ARHGAP32: variants seen among roughly 807,000 people sequenced by gnomAD.
ARHGAP32 encodes rho GTPase-activating protein 32.
A neutral mutation model predicts 186.5 loss-of-function variants in ARHGAP32; 51 were observed. That is an observed-to-expected ratio of 0.27 (90% CI 0.22 to 0.35). ARHGAP32 has a LOEUF of 0.35. Ranked by LOEUF, ARHGAP32 falls within the 10% of genes least tolerant of loss-of-function variation. ARHGAP32 has a pLI of 1.00. For missense variants in ARHGAP32, 2,186 were observed against 2,623.5 expected (o/e 0.83, Z 3.64); for synonymous variants, 950 against 964.3 (o/e 0.99, Z 0.27).
At chr11:129,182,733 T>C (rs1336632289) in intron 1 of ARHGAP32, among the ~76,000 whole-genome samples, 1 of 151,734 alleles carries the variant, frequency 6.6e-6, no homozygotes, top group African/African-American at 2.4e-5. Context: ...AGCCTCAAAC[T>C]CCTGGGCTCA....
chr11:129,182,350 T>C (rs2511813), intron 1 of ARHGAP32, among the ~76,000 whole-genome samples: 19,622 of 152,128 alleles, frequency 0.13, 1,401 homozygotes, highest in Non-Finnish European at 0.16. Flanking sequence ...TTGGACTTTT[T>C]CTTAACCATT....
intron 11 of ARHGAP32, among the ~76,000 whole-genome samples, chr11:129,027,940 G>A (rs767614066): frequency 6.6e-6 from 1 of 152,098 alleles, no homozygotes; most frequent in Non-Finnish European, 1.5e-5. Flanking sequence ...AATGAATATC[G>A]GAAATGGCCA....
chr11:129,148,598 C>A (rs935423114), intron 2 of ARHGAP32, among the ~76,000 whole-genome samples: 8 of 152,278 alleles, frequency 5.3e-5, no homozygotes, highest in African/African-American at 1.2e-4. Flanking sequence ...GTAATTCTGA[C>A]TGGGCGTGAA....
chr11:129,202,028 ATG>A (rs1363387992), intron 1 of ARHGAP32, among the ~76,000 whole-genome samples: 1 of 151,956 alleles, frequency 6.6e-6, no homozygotes, highest in Non-Finnish European at 1.5e-5. Context: ...TTATATATAT[ATG>A]TGTGTGTATA....
At chr11:129,241,764 G>A (rs746422740) in intron 1 of ARHGAP32, among the ~76,000 whole-genome samples, 2 of 152,160 alleles carry the variant, frequency 1.3e-5, no homozygotes, top group African/African-American at 2.4e-5. Flanking sequence ...AATTTTGACT[G>A]GATCATTCAG....
chr11:128,968,889 C>T lies in ARHGAP32; in HGVS notation c.*18G>A, dbSNP rs1459006381. The T allele has an allele frequency of 1.4e-6, 2 of 1,455,698 alleles. No individual in the cohort carries two copies. Among genetic ancestry groups the T allele is most frequent in the Non-Finnish European group, 1.8e-6 (2 of 1,098,470 alleles). 90.2% of individuals were successfully genotyped at this position (1,455,698 alleles called of 1,614,324 possible). A position where few individuals can be genotyped will look rare whatever the true frequency, so the allele number is the denominator to read the frequency against. ...CACTGTCCAGCAGAGGCTGCTTCAA[C>T]TCTATTGCTCGCAGGGCTCATTCTG... On this transcript the variant is annotated 3_prime_UTR_variant, in exon 23 of 23. Coordinates refer to ENST00000682385, the MANE Select transcript of ARHGAP32 (RefSeq NM_001378024.1).
chr11:129,177,645 A>G (rs1218327238), intron 1 of ARHGAP32, among the ~76,000 whole-genome samples: 1 of 152,212 alleles, frequency 6.6e-6, no homozygotes, highest in Non-Finnish European at 1.5e-5. Context: ...AAGCAAATCA[A>G]TAAATGTAAT....
intron 5 of ARHGAP32, among the ~76,000 whole-genome samples, chr11:129,111,923 G>A (rs948397138): frequency 1.3e-5 from 2 of 151,932 alleles, no homozygotes; most frequent in Non-Finnish European, 2.9e-5. Flanking sequence ...CGTTATGCCT[G>A]GCTAATGTTT....
At chr11:129,064,719 G>A in intron 8 of ARHGAP32, 122 bp downstream of exon 8, 1 of 702,772 alleles carries the variant, frequency 1.4e-6, no homozygotes, top group African/African-American at 1.8e-5. Context: ...CCCAGATGCT[G>A]AGAATATACT....
Position 129,046,209 on chromosome 11 carries a change from T to C in ARHGAP32, c.964-5200A>G, listed in dbSNP as rs77170642. Among the ~76,000 whole-genome samples, 971 of 152,254 alleles carry C rather than the reference T, an allele frequency of 6.4e-3. 8 individuals are homozygous for C. The highest frequency in any genetic ancestry group is 0.022 in the African/African-American group (929 of 41,532). Reference sequence around the variant, plus strand: ...CAGAAGGGCACTCAGTTATACAGTATTGAAAGCATACAGATAGAGTAGCTG... The same window carrying C: ...CAGAAGGGCACTCAGTTATACAGTACTGAAAGCATACAGATAGAGTAGCTG... On this transcript the variant is annotated intron_variant, in intron 10 of 22. Coordinates refer to ENST00000682385, the MANE Select transcript of ARHGAP32 (RefSeq NM_001378024.1).
intron 1 of ARHGAP32, among the ~76,000 whole-genome samples, chr11:129,228,563 T>C (rs945125716): frequency 2.0e-5 from 3 of 152,164 alleles, no homozygotes; most frequent in African/African-American, 4.8e-5. Context: ...TGCAGGGACA[T>C]AGATGGAGCT....
chr11:129,116,361 G>C (rs1350778807), intron 5 of ARHGAP32, among the ~76,000 whole-genome samples: 1 of 152,062 alleles, frequency 6.6e-6, no homozygotes, highest in Non-Finnish European at 1.5e-5. Context: ...ACGAGATACA[G>C]TGAAAATCCA....
At chr11:129,234,656 C>A (rs899904081) in intron 1 of ARHGAP32, among the ~76,000 whole-genome samples, 6 of 152,046 alleles carry the variant, frequency 3.9e-5, no homozygotes, top group Admixed American at 3.3e-4. Context: ...AAAAGAAAAT[C>A]ATTTACTTAT....
chr11:128,991,418 TGAA>T (rs1324130107), intron 12 of ARHGAP32, among the ~76,000 whole-genome samples: 3 of 151,944 alleles, frequency 2.0e-5, no homozygotes. Context: ...ACTTGAATCT[TGAA>T]GAAAAGGAGC....
chr11:129,084,112 A>G (rs1288351460), intron 6 of ARHGAP32, among the ~76,000 whole-genome samples: 1 of 152,128 alleles, frequency 6.6e-6, no homozygotes, highest in East Asian at 1.9e-4. Context: ...CTCACACAAG[A>G]AGAAAAAGAT....
At chr11:129,200,658 C>T (rs182299924) in intron 1 of ARHGAP32, among the ~76,000 whole-genome samples, 16 of 152,208 alleles carry the variant, frequency 1.1e-4, no homozygotes, top group Middle Eastern at 6.8e-3. Flanking sequence ...TGGACTAATA[C>T]AACAAGCAAC....
At chr11:129,208,663 TTTTC>T (rs1350267083) in intron 1 of ARHGAP32, among the ~76,000 whole-genome samples, 6 of 134,112 alleles carry the variant, frequency 4.5e-5, no homozygotes, top group Middle Eastern at 3.6e-3. Flanking sequence ...TGTCATTTTC[TTTTC>T]TTTTTTTTTT....
At chr11:129,131,631 G>A (rs1245895303) in intron 2 of ARHGAP32, among the ~76,000 whole-genome samples, 4 of 152,030 alleles carry the variant, frequency 2.6e-5, no homozygotes, top group Admixed American at 2.0e-4. Context: ...ACGGCAAGGG[G>A]GAAATCCTTC....
At chr11:128,983,886 C>G (rs542101403) in intron 15 of ARHGAP32, among the ~76,000 whole-genome samples, 72 of 152,214 alleles carry the variant, frequency 4.7e-4, no homozygotes, top group Non-Finnish European at 9.1e-4. Flanking sequence ...ACAAAATGAG[C>G]ACTTTTATAT....
Sources: allele counts gnomAD v4.1 joint callset (sites outside exome capture counted in the v4.1 genomes callset), GRCh38; gene constraint gnomAD v4.1.1; transcripts MANE v1.5; gene names NCBI Gene and HGNC (gene_info 2026-07-23, HGNC 2026-07-21).